Variants in RAVER2 observed in about 807,000 individuals in gnomAD.
The protein encoded by RAVER2 is ribonucleoprotein, PTB binding 2.
In RAVER2, 46 loss-of-function variants were observed where a neutral mutation model predicts 78.1. The ratio of observed to expected loss-of-function variants is 0.59; its 90% CI spans 0.46 to 0.75. The LOEUF (loss-of-function observed/expected upper bound fraction) is 0.75. Among genes scored for constraint, RAVER2 ranks in the 30% least tolerant of loss-of-function variants. The pLI is 0.00. For synonymous variants in RAVER2, 311 were observed against 313.3 expected (o/e 0.99, Z 0.08); for missense variants, 793 against 837.5 (o/e 0.95, Z 0.66).
chr1:64,797,888 A>C (rs1302628948), intron 5 of RAVER2, among the ~76,000 whole-genome samples: 1 of 151,496 alleles, frequency 6.6e-6, no homozygotes, highest in South Asian at 2.1e-4. Context: ...CTCCATCAAT[A>C]ATGTGTGACT....
chr1:64,786,903 A>G (rs1652796355), intron 4 of RAVER2, among the ~76,000 whole-genome samples: 1 of 152,182 alleles, frequency 6.6e-6, no homozygotes. Flanking sequence ...GAATTCCTTC[A>G]GTTTCTTTAT....
intron 4 of RAVER2, among the ~76,000 whole-genome samples, chr1:64,787,468 C>G (rs1425385142): frequency 1.1e-4 from 17 of 152,168 alleles, no homozygotes; most frequent in Admixed American, 1.0e-3. Context: ...TTTCCCACCC[C>G]AGCCAGGCAG....
chr1:64,788,421 G>A (rs960915007), intron 4 of RAVER2, among the ~76,000 whole-genome samples: 7 of 151,994 alleles, frequency 4.6e-5, no homozygotes, highest in Non-Finnish European at 8.8e-5. Context: ...GCAGTGAGCC[G>A]AGATCGCGCC....
intron 5 of RAVER2, among the ~76,000 whole-genome samples, chr1:64,797,121 TC>T (rs1267511380): frequency 2.0e-5 from 3 of 152,190 alleles, no homozygotes; most frequent in African/African-American, 7.2e-5. Flanking sequence ...GTTTCATGGT[TC>T]AGAATACAGG....
chr1:64,750,503 G>T (rs1418540296), intron 1 of RAVER2, among the ~76,000 whole-genome samples: 1 of 151,618 alleles, frequency 6.6e-6, no homozygotes, highest in Admixed American at 6.6e-5. Context: ...TAGAGACACG[G>T]TCTCTCTATG....
intron 4 of RAVER2, among the ~76,000 whole-genome samples, 168 bp downstream of exon 4, chr1:64,781,739 CCT>C (rs1652636044): frequency 6.6e-6 from 1 of 152,018 alleles, no homozygotes; most frequent in South Asian, 2.1e-4. Flanking sequence ...TAAATGGTTT[CCT>C]TGTTAAGTCA....
chr1:64,830,280 G>T (rs960744764), intron 11 of RAVER2, among the ~76,000 whole-genome samples: 2 of 152,200 alleles, frequency 1.3e-5, no homozygotes, highest in African/African-American at 2.4e-5. Context: ...CTGAAAACCT[G>T]CATTTTAATA....
chr1:64,749,731 G>A (rs1651645687), intron 1 of RAVER2, among the ~76,000 whole-genome samples: 1 of 152,176 alleles, frequency 6.6e-6, no homozygotes, highest in South Asian at 2.1e-4. Flanking sequence ...TTGTATATGT[G>A]TGTGTCTGGT....
At chr1:64,789,173 G>A (rs1167035439) in intron 4 of RAVER2, among the ~76,000 whole-genome samples, 2 of 152,090 alleles carry the variant, frequency 1.3e-5, no homozygotes, top group South Asian at 2.1e-4. Context: ...AAAGCCAGTT[G>A]GTATTTACCT....
At chr1:64,829,722 G>A (rs980899874) in intron 11 of RAVER2, among the ~76,000 whole-genome samples, 2 of 152,020 alleles carry the variant, frequency 1.3e-5, no homozygotes, top group African/African-American at 4.8e-5. Flanking sequence ...TTACTACCAG[G>A]AAAAAAATGT....
chr1:64,771,605 A>G (rs938325127), intron 2 of RAVER2, among the ~76,000 whole-genome samples: 1 of 152,104 alleles, frequency 6.6e-6, no homozygotes, highest in African/African-American at 2.4e-5. Context: ...TTTGTAACAC[A>G]TGTAGAAATA....
intron 4 of RAVER2, among the ~76,000 whole-genome samples, chr1:64,783,502 A>G (rs1228072430): frequency 6.6e-6 from 1 of 152,114 alleles, no homozygotes; most frequent in Non-Finnish European, 1.5e-5. Context: ...GCATTTTTTC[A>G]TGTGTCTGTT....
At chr1:64,789,286 T>TAAACATA (rs762350576) in intron 4 of RAVER2, 102 bp from the exon 5 acceptor site, 121 of 986,560 alleles carry the variant, frequency 1.2e-4, no homozygotes, top group Non-Finnish European at 1.6e-4. Context: ...TATCATAAAA[T>TAAACATA]AGATCTTGTC....
intron 4 of RAVER2, among the ~76,000 whole-genome samples, chr1:64,783,417 C>T (rs540236475): frequency 2.6e-5 from 4 of 152,252 alleles, no homozygotes; most frequent in South Asian, 2.1e-4. Context: ...TTTTAATGAT[C>T]GCCATTCTAA....
exon 12 of RAVER2, chr1:64,832,729 T>TAA (rs1654190490): frequency 6.6e-6 from 1 of 152,160 alleles, no homozygotes; most frequent in Admixed American, 6.5e-5. Flanking sequence ...AGGTAATTTC[T>TAA]AAGTATACTA....
intron 11 of RAVER2, among the ~76,000 whole-genome samples, chr1:64,819,218 A>C (rs200476635): frequency 4.4e-4 from 67 of 152,326 alleles, no homozygotes; most frequent in Non-Finnish European, 8.7e-4. Context: ...AATAACCATA[A>C]AACAGCTATT....
chr1:64,802,847 A>G (rs1653305929), intron 5 of RAVER2, 129 bp from the exon 6 acceptor site: 1 of 542,142 alleles, frequency 1.8e-6, no homozygotes, highest in African/African-American at 1.9e-5. Flanking sequence ...CAAGGTCACT[A>G]TATCATTGAA....
intron 1 of RAVER2, among the ~76,000 whole-genome samples, chr1:64,753,649 G>A (rs1244731148): frequency 2.0e-5 from 3 of 147,652 alleles, no homozygotes; most frequent in South Asian, 4.4e-4. Context: ...TCAGCCTCCC[G>A]AGTAGCTGGG....
At chr1:64,807,418 G>A in exon 9 of RAVER2, 1 of 1,614,132 alleles carries the variant, frequency 6.2e-7, no homozygotes. Context: ...AAGCTTGCTG[G>A]TGGGACACCA....
Sources: allele counts gnomAD v4.1 joint callset (sites outside exome capture counted in the v4.1 genomes callset), GRCh38; gene constraint gnomAD v4.1.1; transcripts MANE v1.5; gene names NCBI Gene and HGNC (gene_info 2026-07-23, HGNC 2026-07-21).